Variants in DLGAP2 observed in about 807,000 individuals in gnomAD.
DLGAP2 encodes disks large-associated protein 2.
Under a neutral mutation model 100.3 loss-of-function variants are expected in DLGAP2, and 26 were observed. The ratio of observed to expected loss-of-function variants is 0.26; its 90% confidence interval spans 0.19 to 0.36. The LOEUF is 0.36. Ranked by LOEUF, DLGAP2 falls within the 10% of genes least tolerant of loss-of-function variation. The probability of loss-of-function intolerance (pLI) is 1.00; values close to 1 mark genes in which losing one functional copy is unlikely to be tolerated. For missense variants in DLGAP2, 1,858 were observed against 1,453.2 expected, an observed-to-expected ratio of 1.28 and a Z score of -4.53; for synonymous variants, 886 against 630.1, an observed-to-expected ratio of 1.41 and a Z score of -6.08.
At chr8:1,697,323 G>C in intron 14 of DLGAP2, 24 bp downstream of exon 14, 1 of 1,567,250 alleles carries the variant, frequency 6.4e-7, no homozygotes. Flanking sequence ...TGCAGGGCCG[G>C]CTCCCAGCAA....
intron 3 of DLGAP2, among the ~76,000 whole-genome samples, chr8:1,307,802 G>T (rs758231374): frequency 1.3e-5 from 2 of 152,172 alleles, no homozygotes; most frequent in Non-Finnish European, 2.9e-5. Context: ...CTCACATGAG[G>T]TACGAAAGCA....
intron 2 of DLGAP2, among the ~76,000 whole-genome samples, chr8:996,517 T>G (rs565996846): frequency 6.6e-6 from 1 of 152,312 alleles, no homozygotes; most frequent in South Asian, 2.1e-4. Context: ...TGCCTGTCGA[T>G]GGGATGTGGC....
intron 4 of DLGAP2, among the ~76,000 whole-genome samples, chr8:1,507,197 C>A (rs951582268): frequency 1.3e-5 from 2 of 152,222 alleles, no homozygotes; most frequent in East Asian, 3.9e-4. Flanking sequence ...CCGGGCGCCG[C>A]GGAGCAGGGG....
At chr8:1,167,987 C>T (rs946895850) in intron 2 of DLGAP2, among the ~76,000 whole-genome samples, 5 of 150,966 alleles carry the variant, frequency 3.3e-5, no homozygotes, top group South Asian at 2.1e-4. Flanking sequence ...CCCATTAACT[C>T]GTCATCTAGC....
chr8:1,667,983 C>G (rs1339106190), intron 8 of DLGAP2, among the ~76,000 whole-genome samples: 1 of 152,082 alleles, frequency 6.6e-6, no homozygotes, highest in East Asian at 1.9e-4. Context: ...TGACGCCACA[C>G]CTGCGCACTG....
intron 2 of DLGAP2, among the ~76,000 whole-genome samples, chr8:943,575 A>T (rs1006008157): frequency 6.6e-6 from 1 of 152,116 alleles, no homozygotes; most frequent in African/African-American, 2.4e-5. Flanking sequence ...ATCCCGCCAC[A>T]AGCACAGCGA....
chr8:1,010,926 G>A (rs910985348), intron 2 of DLGAP2, among the ~76,000 whole-genome samples: 1 of 150,632 alleles, frequency 6.6e-6, no homozygotes, highest in Non-Finnish European at 1.5e-5. Flanking sequence ...GGCCCCAGGC[G>A]AGGGGCCTCA....
intron 2 of DLGAP2, among the ~76,000 whole-genome samples, chr8:1,145,392 G>A (rs913556022): frequency 9.2e-5 from 14 of 152,296 alleles, no homozygotes; most frequent in Admixed American, 3.9e-4. Context: ...CTCGCCCAGC[G>A]TGGGGCCTGG....
chr8:1,340,896 G>A (rs975200841), intron 3 of DLGAP2, among the ~76,000 whole-genome samples: 1 of 152,216 alleles, frequency 6.6e-6, no homozygotes, highest in African/African-American at 2.4e-5. Flanking sequence ...GGAATACTAT[G>A]CAGACATAAA....
chr8:1,027,868 C>T (rs1490176042), intron 2 of DLGAP2, among the ~76,000 whole-genome samples: 2 of 143,632 alleles, frequency 1.4e-5, no homozygotes, highest in Non-Finnish European at 3.0e-5. Context: ...GTGTCAGGCG[C>T]CCGTTATTCT....
chr8:1,390,935 C>T (rs988172659), intron 3 of DLGAP2, among the ~76,000 whole-genome samples: 1 of 152,232 alleles, frequency 6.6e-6, no homozygotes, highest in African/African-American at 2.4e-5. Context: ...AAATTAAACA[C>T]AGTCAGCATG....
chr8:1,456,629 G>C (rs930177821), intron 3 of DLGAP2, among the ~76,000 whole-genome samples: 3 of 152,214 alleles, frequency 2.0e-5, no homozygotes, highest in Admixed American at 6.5e-5. Flanking sequence ...AGTGTCACCA[G>C]AGAAACACAA....
chr8:878,697 G>C (rs1797728516), intron 1 of DLGAP2, among the ~76,000 whole-genome samples: 1 of 152,096 alleles, frequency 6.6e-6, no homozygotes, highest in African/African-American at 2.4e-5. Flanking sequence ...TCTCAGGAGT[G>C]AGTTCTCCTG....
chr8:1,668,842 T>G (rs1798615957), intron 9 of DLGAP2, among the ~76,000 whole-genome samples, 164 bp downstream of exon 9: 2 of 152,176 alleles, frequency 1.3e-5, no homozygotes, highest in African/African-American at 4.8e-5. Flanking sequence ...CTTGCAGACC[T>G]GCCAGCGCAG....
intron 2 of DLGAP2, among the ~76,000 whole-genome samples, chr8:919,272 G>A (rs1416960073): frequency 3.3e-5 from 5 of 152,328 alleles, no homozygotes; most frequent in South Asian, 2.1e-4. Flanking sequence ...AAAAACAGCC[G>A]TCCTGTCCTA....
chr8:1,454,786 T>G (rs1315214040), intron 3 of DLGAP2, among the ~76,000 whole-genome samples: 2 of 152,056 alleles, frequency 1.3e-5, no homozygotes, highest in African/African-American at 4.8e-5. Flanking sequence ...AGGAATAAAG[T>G]CAGTGGCCCA....
chr8:1,231,039 A>C (rs1798524758), intron 2 of DLGAP2, among the ~76,000 whole-genome samples: 2 of 152,240 alleles, frequency 1.3e-5, no homozygotes, highest in African/African-American at 4.8e-5. Flanking sequence ...GCTTCTGCAT[A>C]GCAAGAGAAA....
chr8:1,267,679 G>A lies in DLGAP2; in HGVS notation c.106+8796G>A, dbSNP rs532468428. Among the ~76,000 whole-genome samples, 10 of 151,942 alleles carry A rather than the reference G, an allele frequency of 6.6e-5. No homozygotes were observed. In the East Asian group the frequency reaches 7.7e-4, roughly 12 times the overall value. ...CAGGGTCAGCTCAGACACCATTTCC[G>A]TGATGAGACGCCCACGTCCTCCGTG... is the stretch of plus-strand genomic sequence containing the variant. On this transcript the variant is annotated intron_variant, in intron 3 of 14. Coordinates refer to ENST00000637795, the MANE Select transcript of DLGAP2 (RefSeq NM_001346810.2).
intron 3 of DLGAP2, among the ~76,000 whole-genome samples, chr8:1,290,057 T>G (rs1282836008): frequency 6.6e-6 from 1 of 152,154 alleles, no homozygotes; most frequent in Non-Finnish European, 1.5e-5. Context: ...CCCTGTTGTG[T>G]TATCTCAGTG....
Sources: allele counts gnomAD v4.1 joint callset (sites outside exome capture counted in the v4.1 genomes callset), GRCh38; gene constraint gnomAD v4.1.1; transcripts MANE v1.5; gene names NCBI Gene and HGNC (gene_info 2026-07-23, HGNC 2026-07-21).